Variants in STYXL1 observed in about 807,000 individuals in gnomAD.
STYXL1 encodes serine/threonine/tyrosine interacting like 1, also known as serine/threonine/tyrosine-interacting-like protein 1.
In STYXL1, 32 loss-of-function variants were observed where a neutral mutation model predicts 36.4. The observed-to-expected ratio is 0.88, with a 90% CI of 0.66 to 1.18. The LOEUF is 1.18. Ranked by LOEUF, STYXL1 falls within the 50% of genes most tolerant of loss-of-function variation. The pLI, the probability that STYXL1 is intolerant of heterozygous loss-of-function variation, is 0.00. For synonymous variants in STYXL1, 133 were observed against 144.1 expected (o/e 0.92, Z 0.55); for missense variants, 354 against 394.1 (o/e 0.90, Z 0.86).
intron 3 of STYXL1, among the ~76,000 whole-genome samples, chr7:76,026,881 T>A (rs1554577882): frequency 6.6e-6 from 1 of 152,086 alleles, no homozygotes; most frequent in Non-Finnish European, 1.5e-5. Flanking sequence ...ACCCTGTCTC[T>A]ACTAAAGATA....
rs781924429 is a variant in STYXL1 at position 76,028,643 on chromosome 7, T to G, written c.164A>C (p.Lys55Thr). 20 of 1,613,832 alleles carry G rather than the reference T, an allele frequency of 1.2e-5. No individual in the cohort carries two copies. The highest frequency in any genetic ancestry group is 1.7e-5 in the Non-Finnish European group (20 of 1,179,924). The change falls in exon 3 of 9, where the codon AAG becomes ACG. Residue 55 changes from lysine to threonine, a missense_variant and splice_region_variant. Physicochemically the swap from Lys to Thr is moderately conservative, Grantham distance 78 (BLOSUM62 -1). Transcript: ENST00000359697. Reference protein sequence around the residue: ...SHVITALRVKKKNNEYLLPES... With the variant: ...SHVITALRVKTKNNEYLLPES... ...CAGATCCTGACGCTGCCCATGTACC[T>G]TCTTCACTCGAAGGGCAGTGATCAC...
chr7:76,010,393 G>A (rs1413474942), intron 5 of STYXL1, among the ~76,000 whole-genome samples: 1 of 152,182 alleles, frequency 6.6e-6, no homozygotes, highest in African/African-American at 2.4e-5. Flanking sequence ...CCTCAGGCAT[G>A]AGTCCCTGCC....
chr7:76,016,109 C>CAT (rs548813616), intron 4 of STYXL1, among the ~76,000 whole-genome samples: 5 of 151,868 alleles, frequency 3.3e-5, no homozygotes, highest in Admixed American at 6.6e-5. Context: ...CATATACACG[C>CAT]ATATATATAC....
chr7:76,031,802 G>T (rs1454311357), intron 1 of STYXL1, among the ~76,000 whole-genome samples: 3 of 152,100 alleles, frequency 2.0e-5, no homozygotes, highest in African/African-American at 7.2e-5. Context: ...TACCACATGG[G>T]CTGTAAAACA....
At chr7:76,004,402 T>A (rs868939178) in intron 6 of STYXL1, among the ~76,000 whole-genome samples, 79 of 149,856 alleles carry the variant, frequency 5.3e-4, no homozygotes, top group African/African-American at 1.7e-3. Flanking sequence ...GCCAAAAAAA[T>A]TTTTTTAAGT....
chr7:76,026,784 C>G (rs1314153324), intron 3 of STYXL1, among the ~76,000 whole-genome samples: 1 of 152,220 alleles, frequency 6.6e-6, no homozygotes, highest in Non-Finnish European at 1.5e-5. Flanking sequence ...AGGCCAGGCT[C>G]ACGCCTGCAA....
chr7:76,011,213 C>G (rs930072044), intron 5 of STYXL1, among the ~76,000 whole-genome samples: 1 of 152,172 alleles, frequency 6.6e-6, no homozygotes, highest in East Asian at 1.9e-4. Flanking sequence ...GACCCTGTCT[C>G]TAAAACGTAT....
intron 1 of STYXL1, chr7:76,044,920 T>A (rs566529542): frequency 6.6e-6 from 1 of 152,352 alleles, no homozygotes; most frequent in Non-Finnish European, 1.5e-5. Flanking sequence ...GGTCCTGAAT[T>A]CCTGAGCTCA....
intron 1 of STYXL1, chr7:76,044,091 A>G (rs1459312471): frequency 2.0e-5 from 3 of 152,344 alleles, no homozygotes; most frequent in Non-Finnish European, 2.9e-5. Flanking sequence ...ACAGCAGCCA[A>G]TAAGACTGTT....
At chr7:76,001,077 C>T in intron 7 of STYXL1, 75 bp from the exon 8 acceptor site, 1 of 1,110,716 alleles carries the variant, frequency 9.0e-7, no homozygotes, top group Non-Finnish European at 1.4e-6. Flanking sequence ...CAGACACTGG[C>T]CTCCATGGGC....
chr7:76,031,038 A>AG (rs2116319608), intron 1 of STYXL1, among the ~76,000 whole-genome samples: 1 of 151,548 alleles, frequency 6.6e-6, no homozygotes, highest in South Asian at 2.1e-4. Flanking sequence ...GTGCACATCT[A>AG]TAGTCCCAGC....
chr7:76,018,007 C>T lies in STYXL1; in HGVS notation c.307+3844G>A, dbSNP rs140478330. 2.6e-4 allele frequency among the ~76,000 whole-genome samples: 39 copies of T among 151,888 alleles called. No individual in the cohort carries two copies. The East Asian group carries it at 7.4e-3, about 29-fold the overall frequency. ...TATTCAGAGTTATGCAACCATCCCCCACAATCAATTTTAGAATGTTTTCTT... is the reference window on the plus strand; with the variant it reads ...TATTCAGAGTTATGCAACCATCCCCTACAATCAATTTTAGAATGTTTTCTT... On this transcript the variant is annotated intron_variant, in intron 4 of 8. Transcript: ENST00000359697.
chr7:76,008,705 C>T (rs1422405231), intron 5 of STYXL1, among the ~76,000 whole-genome samples: 2 of 152,164 alleles, frequency 1.3e-5, no homozygotes, highest in African/African-American at 4.8e-5. Flanking sequence ...TCAATTTCCA[C>T]TTAAAAATCT....
At chr7:76,013,408 GTTTTT>G (rs781872577) in intron 5 of STYXL1, among the ~76,000 whole-genome samples, 1 of 147,028 alleles carries the variant, frequency 6.8e-6, no homozygotes, top group Non-Finnish European at 1.5e-5. Context: ...TCCAGATCTA[GTTTTT>G]TTTTTGTTTG....
chr7:76,028,129 G>T (rs1347553895), intron 3 of STYXL1, among the ~76,000 whole-genome samples: 1 of 152,140 alleles, frequency 6.6e-6, no homozygotes, highest in East Asian at 1.9e-4. Context: ...CCGCCTCCCA[G>T]GTCCAAGCGA....
At chr7:76,042,490 G>T (rs1554582404) in intron 1 of STYXL1, among the ~76,000 whole-genome samples, 1 of 134,850 alleles carries the variant, frequency 7.4e-6, no homozygotes, top group South Asian at 2.5e-4. Context: ...CTGCAACCCT[G>T]CCTCCAGGGT....
chr7:76,016,276 ATATATG>A (rs782153946), intron 4 of STYXL1, among the ~76,000 whole-genome samples: 1 of 151,764 alleles, frequency 6.6e-6, no homozygotes, highest in Non-Finnish European at 1.5e-5. Context: ...GTATGTGTGT[ATATATG>A]TATATCTATA....
intron 1 of STYXL1, among the ~76,000 whole-genome samples, chr7:76,043,317 A>C (rs1345053508): frequency 6.6e-6 from 1 of 151,310 alleles, no homozygotes; most frequent in Non-Finnish European, 1.5e-5. Context: ...AATTTTTTGT[A>C]TTTGTAGAGA....
At position 76,003,822 on chromosome 7, in the gene STYXL1, G is replaced by C. The variant is rs782778030; in HGVS notation, c.633C>G (p.Ile211Met). 3 of 1,614,194 alleles carry C rather than the reference G, an allele frequency of 1.9e-6. No homozygotes were observed. The highest frequency in any genetic ancestry group is 2.5e-6 in the Non-Finnish European group (3 of 1,180,026). Residue 211 changes from isoleucine (I) to methionine (M), a missense_variant, in exon 7 of 9, where the codon ATC becomes ATG. By Grantham distance (10) the Ile-to-Met change is conservative. Coordinates refer to ENST00000359697, the MANE Select transcript of STYXL1 (RefSeq NM_001317785.2). ...FAGDADKLLH[I>M]RIEDSPEAQI... ...GGGCTTCCGGGGAATCTTCTATCCG[G>C]ATGTGCAGAAGCTTGTCAGCATCGC...
Sources: gnomAD v4.1 joint callset for allele counts (sites outside exome capture counted in the v4.1 genomes callset) on GRCh38, gnomAD v4.1.1 for gene constraint, MANE v1.5 for transcripts, NCBI Gene and HGNC (gene_info 2026-07-23, HGNC 2026-07-21) for gene names.